Variants in BAIAP3 observed in about 807,000 individuals in gnomAD.
BAIAP3 encodes BAI1 associated protein 3.
BAIAP3 carries 180 observed loss-of-function variants against 149.7 expected under a neutral mutation model. That is an observed-to-expected ratio of 1.20 (90% CI 1.07 to 1.36). The LOEUF is 1.36. Ranked by LOEUF, BAIAP3 falls within the 40% of genes most tolerant of loss-of-function variation. The probability of loss-of-function intolerance (pLI) is 0.00; values close to 1 mark genes in which losing one functional copy is unlikely to be tolerated. For missense variants in BAIAP3, 1,767 were observed against 1,563.4 expected, an observed-to-expected ratio of 1.13 and a Z score of -2.20; for synonymous variants, 845 against 670.7, an observed-to-expected ratio of 1.26 and a Z score of -4.02.
chr16:1,346,019 C>G lies in BAIAP3; in HGVS notation c.2242C>G (p.Leu748Val). The G allele has an allele frequency of 6.2e-7, 1 of 1,611,312 alleles. No homozygotes were observed. The highest frequency in any genetic ancestry group is 8.5e-7 in the Non-Finnish European group (1 of 1,179,380). ...TGAGGCCACCCTCTTCTATACGGAG[C>G]TGCTTCGGAAGAAGGTGGACACTCA... The part of the protein sequence containing the change: ...VCEATLFYTE[L>V]LRKKVDTQPG... The change falls in exon 24 of 34, where the codon CTG (leucine) becomes GTG (valine). Residue 748 changes from leucine to valine, a missense_variant. Physicochemically the swap from Leu to Val is conservative, Grantham distance 32. Transcript: ENST00000426824.
intron 1 of BAIAP3, among the ~76,000 whole-genome samples, chr16:1,337,048 G>A (rs60129568): frequency 0.016 from 2,509 of 152,294 alleles, 64 homozygotes; most frequent in African/African-American, 0.057. Flanking sequence ...AGTTTCCATG[G>A]AGCGGGGAGG....
rs1389640421 is a variant in BAIAP3, at chr16:1,342,187, C to T, written c.861C>T (p.Phe287=). ...VIGLKGMGRY[F]KQIVKSARAN... ...CACCACCTGTGGTGGCCAGGTACTT[C>T]AAACAGATCGTCAAGTCAGCCCGCG... The change falls in exon 11 of 34, where the codon TTC becomes TTT. Residue 287 remains phenylalanine, a synonymous_variant. Coordinates refer to ENST00000426824, the MANE Select transcript of BAIAP3 (RefSeq NM_001199097.2). The T allele has an allele frequency of 6.2e-7, 1 of 1,604,046 alleles. No individual in the cohort carries two copies. Among genetic ancestry groups the T allele is most frequent in the Admixed American group, 1.7e-5 (1 of 59,542 alleles).
chr16:1,339,874 CACACGCACACAGGCTGCAGGTGCACACAG>C (rs1382149998), intron 5 of BAIAP3, among the ~76,000 whole-genome samples: 1,112 of 139,522 alleles, frequency 8.0e-3, no homozygotes, highest in Admixed American at 0.039. Flanking sequence ...TGCACACAGA[CACACGCACACAGGCTGCAGGTGCACACAG>C]ACACGCACAC....
At position 1,349,345 on chromosome 16, in the gene BAIAP3, G is replaced by A. The variant is rs765523889; in HGVS notation, c.*863G>A. 2.8e-6 allele frequency: 4 copies of A among 1,440,250 alleles called. No individual in the cohort carries two copies. Among genetic ancestry groups the A allele is most frequent in the Non-Finnish European group, 3.9e-6 (4 of 1,023,276 alleles). The allele number at this position is 1,440,250 out of a possible 1,614,324, so 89.2% of individuals were successfully genotyped here. On this transcript the variant is annotated 3_prime_UTR_variant, in exon 34 of 34. Transcript: ENST00000426824. Reference sequence around the variant, plus strand: ...GGACAGCTCAGTCCTGCCAGCAGCCGCAAAGAGCCGAGGCTGCCAGGCCCA... The same window carrying A: ...GGACAGCTCAGTCCTGCCAGCAGCCACAAAGAGCCGAGGCTGCCAGGCCCA...
In BAIAP3 at chr16:1,343,459, G is replaced by T. The variant is rs1284381662; in HGVS notation, c.1332G>T (p.Leu444=). The T allele has an allele frequency of 6.3e-7, 1 of 1,597,608 alleles. No individual in the cohort carries two copies. Among genetic ancestry groups the T allele is most frequent in the Admixed American group, 1.7e-5 (1 of 57,774 alleles). ...CTLDYSYLLG[L]LEDMQAHWEE... ...TGGACTACAGCTACCTGCTGGGGCT[G>T]CTGGAGGACATGCAGGCACACTGGG... is the stretch of plus-strand genomic sequence containing the variant. Residue 444 remains leucine, a synonymous_variant, in exon 15 of 34, where the codon CTG becomes CTT. Transcript: ENST00000426824.
intron 5 of BAIAP3, 96 bp downstream of exon 5, chr16:1,339,699 G>A: frequency 1.0e-6 from 1 of 966,726 alleles, no homozygotes; most frequent in Non-Finnish European, 1.6e-6. Context: ...ACAGTATGCA[G>A]AATCTCCCCG....
rs374379669 is a variant in BAIAP3, at chr16:1,345,033, C to G, written c.1874C>G (p.Ser625Trp). The G allele has an allele frequency of 6.2e-7, 1 of 1,612,450 alleles. No individual in the cohort carries two copies. The highest frequency in any genetic ancestry group is 8.5e-7 in the Non-Finnish European group (1 of 1,180,010). Residue 625 changes from serine (S) to tryptophan (W), a missense_variant, in exon 21 of 34, where the codon TCG becomes TGG. Coordinates refer to ENST00000426824, the MANE Select transcript of BAIAP3 (RefSeq NM_001199097.2). ...LSPKMTLEVASGLFELYLTLA... is the reference protein window; with the variant it reads ...LSPKMTLEVAWGLFELYLTLA... ...CCCAAGATGACCCTGGAGGTGGCCT[C>G]GGGGCTCTTTGAGCTCTACCTGACC...
At chr16:1,344,893 A>T in intron 20 of BAIAP3, 44 bp downstream of exon 20, 1 of 1,613,698 alleles carries the variant, frequency 6.2e-7, no homozygotes, top group Non-Finnish European at 8.5e-7. Context: ...GGCATGGGGA[A>T]GTGGGCAGAT....
intron 32 of BAIAP3, 36 bp downstream of exon 32, chr16:1,348,053 C>T (rs2034507053): frequency 6.4e-7 from 1 of 1,559,082 alleles, no homozygotes; most frequent in Non-Finnish European, 8.6e-7. Context: ...GCCCCAGGCT[C>T]CAGGCTGCCG....
Position 1,346,349 on chromosome 16 carries a change from C to T in BAIAP3, c.2481C>T (p.His827=), listed in dbSNP as rs1296266873. 1.2e-6 allele frequency: 2 copies of T among 1,607,708 alleles called. No homozygotes were observed. Among genetic ancestry groups the T allele is most frequent in the East Asian group, 4.5e-5 (2 of 44,704 alleles). The change falls in exon 25 of 34, where the codon CAC becomes CAT. Residue 827 remains histidine, a synonymous_variant. Coordinates refer to ENST00000426824, the MANE Select transcript of BAIAP3 (RefSeq NM_001199097.2). ...LQREAHTVTA[H]LTSKMVGDIR... ...GGGAGGCCCACACGGTGACAGCGCACCTGACCTCTAAGGTGGGTGGGGCCT... is the reference window on the plus strand; with the variant it reads ...GGGAGGCCCACACGGTGACAGCGCATCTGACCTCTAAGGTGGGTGGGGCCT...
rs376764744 is a variant in BAIAP3 at position 1,347,986 on chromosome 16, C to T, written c.3118C>T (p.Leu1040=). 3.7e-6 allele frequency: 6 copies of T among 1,611,210 alleles called. No individual in the cohort carries two copies. The highest frequency in any genetic ancestry group is 1.1e-5 in the South Asian group (1 of 91,084). ...SQRTQVKTRT[L]HPVYDELFYF... is the part of the protein sequence containing the mutation. The stretch of plus-strand genomic sequence containing the variant: ...GAGGACCCAGGTGAAGACCCGGACG[C>T]TGCACCCTGTATACGACGAACTCTT... Residue 1040 remains leucine (L), a synonymous_variant, in exon 32 of 34, where the codon CTG becomes TTG. Coordinates refer to ENST00000426824, the MANE Select transcript of BAIAP3 (RefSeq NM_001199097.2).
chr16:1,340,914 C>A lies in BAIAP3; in HGVS notation c.409-8C>A. On this transcript the variant is annotated splice_region_variant and splice_polypyrimidine_tract_variant and intron_variant, in intron 5 of 33. Coordinates refer to ENST00000426824, the MANE Select transcript of BAIAP3 (RefSeq NM_001199097.2). ...CCTAGGCCCTGCCAACCCAGCCACCCTCCACAGGTGTTTGGCACCAGCCTT... is the reference window on the plus strand; with the variant it reads ...CCTAGGCCCTGCCAACCCAGCCACCATCCACAGGTGTTTGGCACCAGCCTT... The A allele has an allele frequency of 6.4e-7, 1 of 1,566,452 alleles. No homozygotes were observed. The highest frequency in any genetic ancestry group is 2.4e-5 in the East Asian group (1 of 42,248).
At chr16:1,347,038 C>T (rs1272453228) in intron 28 of BAIAP3, 83 bp downstream of exon 28, 12 of 1,318,862 alleles carry the variant, frequency 9.1e-6, no homozygotes, top group Non-Finnish European at 1.3e-5. Flanking sequence ...ACTGGCCTGC[C>T]TGGTCTCCTG....
Position 1,341,189 on chromosome 16 carries a change from C to G in BAIAP3, c.529C>G (p.Pro177Ala). Residue 177 changes from proline (P) to alanine (A), a missense_variant, in exon 7 of 34, where the codon CCC (proline) becomes GCC (alanine). By Grantham distance (27) the Pro-to-Ala change is conservative (BLOSUM62 -1). Transcript: ENST00000426824. Reference sequence around the variant, plus strand: ...TGCCAAGAACCTTCTGGCCAAGGACCCCAACGGTGAGTGGGGACCCAGCAG... The same window carrying G: ...TGCCAAGAACCTTCTGGCCAAGGACGCCAACGGTGAGTGGGGACCCAGCAG... ...MRAKNLLAKD[P>A]NGFSDPYCML... 6.2e-7 allele frequency: 1 copy of G among 1,612,600 alleles called. No individual in the cohort carries two copies. The highest frequency in any genetic ancestry group is 1.7e-4 in the Middle Eastern group (1 of 6,060).
At chr16:1,336,133 C>A in intron 1 of BAIAP3, 1 of 857,304 alleles carries the variant, frequency 1.2e-6, no homozygotes, top group Non-Finnish European at 1.4e-6. Flanking sequence ...GAGCCCCCAT[C>A]GCCCCTGTCA....
At position 1,348,462 on chromosome 16, in the gene BAIAP3, T is replaced by C. The variant is rs780806076; in HGVS notation, c.3439T>C (p.Cys1147Arg). 1.9e-6 allele frequency: 3 copies of C among 1,611,290 alleles called. No homozygotes were observed. Among genetic ancestry groups the C allele is most frequent in the Non-Finnish European group, 1.7e-6 (2 of 1,179,326 alleles). The change falls in exon 34 of 34, where the codon TGC becomes CGC. Residue 1147 changes from cysteine to arginine, a missense_variant. Physicochemically the swap from Cys to Arg is radical, Grantham distance 180. Coordinates refer to ENST00000426824, the MANE Select transcript of BAIAP3 (RefSeq NM_001199097.2). ...FVKKLKELEK[C>R]MEADP ...GAAGAAACTCAAGGAGCTGGAGAAG[T>C]GCATGGAGGCGGACCCCTGAGTCCA...
chr16:1,349,311 G>C lies in BAIAP3; in HGVS notation c.*829G>C. Reference sequence around the variant, plus strand: ...GAGCACAGCTGTGCTGGAAGTGTGGGGAGAACCCGGACAGCTCAGTCCTGC... The same window carrying C: ...GAGCACAGCTGTGCTGGAAGTGTGGCGAGAACCCGGACAGCTCAGTCCTGC... On this transcript the variant is annotated 3_prime_UTR_variant, in exon 34 of 34. Transcript: ENST00000426824. 1 of 1,052,558 alleles carries C rather than the reference G, an allele frequency of 9.5e-7. No homozygotes were observed. The highest frequency in any genetic ancestry group is 2.4e-5 in the East Asian group (1 of 42,296). 65.2% of individuals were successfully genotyped at this position (1,052,558 alleles called of 1,614,324 possible).
Position 1,342,068 on chromosome 16 carries a change from G to C in BAIAP3, c.854+5G>C. On this transcript the variant is annotated splice_donor_5th_base_variant and intron_variant, in intron 10 of 33. Transcript: ENST00000426824. The stretch of plus-strand genomic sequence containing the variant: ...CGGCCTGAAGGGCATGGGCAGGTAT[G>C]ACTGCTGGGACCTTTCTACCCATCA... 3 of 1,595,638 alleles carry C rather than the reference G, an allele frequency of 1.9e-6. No homozygotes were observed. Among genetic ancestry groups the C allele is most frequent in the Non-Finnish European group, 1.7e-6 (2 of 1,170,998 alleles).
chr16:1,342,046 C>T lies in BAIAP3; in HGVS notation c.837C>T (p.Gly279=). Residue 279 remains glycine, a synonymous_variant, in exon 10 of 34, where the codon GGC becomes GGT. Coordinates refer to ENST00000426824, the MANE Select transcript of BAIAP3 (RefSeq NM_001199097.2). ...EACRKLNEVI[G]LKGMGRYFKQ... Reference sequence around the variant, plus strand: ...GCAGGAAGCTGAATGAAGTCATCGGCCTGAAGGGCATGGGCAGGTATGACT... The same window carrying T: ...GCAGGAAGCTGAATGAAGTCATCGGTCTGAAGGGCATGGGCAGGTATGACT... 3.7e-6 allele frequency: 6 copies of T among 1,606,616 alleles called. No individual in the cohort carries two copies. Among genetic ancestry groups the T allele is most frequent in the Non-Finnish European group, 5.1e-6 (6 of 1,176,722 alleles).
Sources: allele counts gnomAD v4.1 joint callset (sites outside exome capture counted in the v4.1 genomes callset), GRCh38; gene constraint gnomAD v4.1.1; transcripts MANE v1.5; gene names NCBI Gene and HGNC (gene_info 2026-07-23, HGNC 2026-07-21).